Variants in ATRN observed in about 807,000 individuals in gnomAD.
ATRN encodes the protein attractin.
ATRN carries 54 observed loss-of-function variants against 178.7 expected under a neutral mutation model. The observed-to-expected ratio is 0.30, with a 90% CI of 0.24 to 0.38. The LOEUF (loss-of-function observed/expected upper bound fraction) is 0.38. Among genes scored for constraint, ATRN ranks in the 10% least tolerant of loss-of-function variants. The pLI is 1.00. For synonymous variants in ATRN, 636 were observed against 663.0 expected, an observed-to-expected ratio of 0.96 and a Z score of 0.63; for missense variants, 1,443 against 1,815.1, an observed-to-expected ratio of 0.79 and a Z score of 3.73.
chr20:3,561,329 A>G (rs2085950182), intron 8 of ATRN, among the ~76,000 whole-genome samples: 3 of 152,122 alleles, frequency 2.0e-5, no homozygotes, highest in Admixed American at 2.0e-4. Flanking sequence ...TCTCAAAACA[A>G]ACAAACAAAC....
rs1204622677 is a variant in ATRN at position 3,649,640 on chromosome 20, CTGCCCTTGGCCCTGCA to C, written c.*2794_*2809del. On this transcript the variant is annotated 3_prime_UTR_variant, in exon 29 of 29. Transcript: ENST00000262919. ...TCAGGAAGCAGAGGCGTCCCTGCCGCTGCCCTTGGCCCTGCAAGCACATCATGACCCTTTCTGGCAG... is the reference window on the plus strand; with the variant it reads ...TCAGGAAGCAGAGGCGTCCCTGCCGCAGCACATCATGACCCTTTCTGGCAG... 3.9e-5 allele frequency: 6 copies of C among 152,366 alleles called. No individual in the cohort carries two copies. Among genetic ancestry groups the C allele is most frequent in the African/African-American group, 1.4e-4 (6 of 41,582 alleles). 9.4% of individuals were successfully genotyped at this position (152,366 alleles called of 1,614,324 possible).
chr20:3,569,574 G>A (rs2086087805), intron 11 of ATRN, among the ~76,000 whole-genome samples: 1 of 152,014 alleles, frequency 6.6e-6, no homozygotes, highest in African/African-American at 2.4e-5. Context: ...TGTACACTTA[G>A]GCTACACTAA....
At chr20:3,601,867 TAAAAAAA>T (rs77232797) in intron 23 of ATRN, among the ~76,000 whole-genome samples, 22 of 117,694 alleles carry the variant, frequency 1.9e-4, no homozygotes, top group African/African-American at 3.9e-4. Flanking sequence ...CCCATCTCTT[TAAAAAAA>T]AAAAAAAAAA....
At chr20:3,625,402 G>A (rs927703881) in intron 25 of ATRN, among the ~76,000 whole-genome samples, 9 of 152,150 alleles carry the variant, frequency 5.9e-5, no homozygotes, top group African/African-American at 2.2e-4. Context: ...CTTATTCACA[G>A]CTGCATTGAA....
At chr20:3,503,319 A>G (rs1000657542) in intron 1 of ATRN, among the ~76,000 whole-genome samples, 4 of 152,230 alleles carry the variant, frequency 2.6e-5, no homozygotes, top group Non-Finnish European at 5.9e-5. Flanking sequence ...ATGATATAAT[A>G]GCAAATCACT....
chr20:3,514,980 A>G (rs1451683753), intron 1 of ATRN, among the ~76,000 whole-genome samples: 1 of 152,124 alleles, frequency 6.6e-6, no homozygotes, highest in Non-Finnish European at 1.5e-5. Context: ...AAAAAAAGAT[A>G]CTTCCTTAAT....
rs1030914296 is a variant in ATRN, at chr20:3,632,962, T to C, written c.3864-1349T>C. Reference sequence around the variant, plus strand: ...CTGGCCAACGTGGTGAAACCTCGTCTCCACTAAAAATACAAAAATTAGCTG... The same window carrying C: ...CTGGCCAACGTGGTGAAACCTCGTCCCCACTAAAAATACAAAAATTAGCTG... On this transcript the variant is annotated intron_variant, in intron 25 of 28. Transcript: ENST00000262919. The surrounding 1 kb of genome is among the most constrained non-coding windows in gnomAD (Gnocchi z 4.2). Among the ~76,000 whole-genome samples the C allele has an allele frequency of 6.6e-6, 1 of 152,154 alleles. No homozygotes were observed. Among genetic ancestry groups the C allele is most frequent in the African/African-American group, 2.4e-5 (1 of 41,442 alleles).
intron 25 of ATRN, among the ~76,000 whole-genome samples, chr20:3,633,974 G>A (rs1402777404): frequency 6.6e-6 from 1 of 152,070 alleles, no homozygotes; most frequent in African/African-American, 2.4e-5. Context: ...TGAATAAACA[G>A]CATGACTAAT....
intron 6 of ATRN, among the ~76,000 whole-genome samples, chr20:3,557,198 A>G (rs944240541): frequency 6.6e-5 from 10 of 152,212 alleles, no homozygotes; most frequent in Admixed American, 1.3e-4. Context: ...ATTTATTTCT[A>G]TTTGAAGTAA....
At chr20:3,589,070 C>T (rs1200924099) in intron 18 of ATRN, among the ~76,000 whole-genome samples, 2 of 144,420 alleles carry the variant, frequency 1.4e-5, no homozygotes, top group African/African-American at 5.0e-5. Flanking sequence ...GCAACCTCCG[C>T]CTCCAGGGTT....
At chr20:3,537,976 C>CTT (rs1247176661) in intron 2 of ATRN, among the ~76,000 whole-genome samples, 1 of 123,826 alleles carries the variant, frequency 8.1e-6, no homozygotes, top group Non-Finnish European at 1.7e-5. Flanking sequence ...TTTTATTATA[C>CTT]TTTAAGTTTT....
intron 15 of ATRN, among the ~76,000 whole-genome samples, chr20:3,579,961 T>G (rs954305810): frequency 6.6e-6 from 1 of 152,164 alleles, no homozygotes; most frequent in African/African-American, 2.4e-5. Context: ...ATTAGTCCCT[T>G]TTTTCAGTGC....
intron 23 of ATRN, among the ~76,000 whole-genome samples, chr20:3,601,968 C>T (rs768084941): frequency 1.3e-4 from 19 of 151,942 alleles, no homozygotes; most frequent in Non-Finnish European, 2.8e-4. Flanking sequence ...TTTACTTGCA[C>T]CGTGCTGTTA....
At chr20:3,492,875 G>GCACACA (rs376260361) in intron 1 of ATRN, among the ~76,000 whole-genome samples, 5 of 106,792 alleles carry the variant, frequency 4.7e-5, no homozygotes, top group African/African-American at 1.1e-4. Flanking sequence ...GCGTGCGCAC[G>GCACACA]CACACACACA....
intron 26 of ATRN, among the ~76,000 whole-genome samples, chr20:3,635,656 A>G (rs1477657460): frequency 1.3e-5 from 2 of 152,044 alleles, no homozygotes; most frequent in Non-Finnish European, 2.9e-5. Context: ...TAAAATCACA[A>G]CTCACAAGCA....
At chr20:3,490,825 C>G (rs1420104495) in intron 1 of ATRN, 40 of 810,654 alleles carry the variant, frequency 4.9e-5, no homozygotes, top group Non-Finnish European at 8.3e-5. Flanking sequence ...CATAATCCAT[C>G]TTTATCATCA....
chr20:3,612,629 TCTC>T (rs1254940422), intron 24 of ATRN, among the ~76,000 whole-genome samples: 1 of 152,164 alleles, frequency 6.6e-6, no homozygotes, highest in East Asian at 1.9e-4. Context: ...TTTGGCAACA[TCTC>T]CTGACACTAT....
At chr20:3,559,592 C>T in intron 7 of ATRN, 109 bp downstream of exon 7, 1 of 832,282 alleles carries the variant, frequency 1.2e-6, no homozygotes, top group South Asian at 1.7e-5. Flanking sequence ...TTGGGGAAAA[C>T]TTTTTATTGG....
At chr20:3,472,366 C>T (rs141199158) in intron 1 of ATRN, among the ~76,000 whole-genome samples, 1 of 152,244 alleles carries the variant, frequency 6.6e-6, no homozygotes, top group East Asian at 1.9e-4. Flanking sequence ...CGCACATAAC[C>T]CTAGTCATAA....
Sources: gnomAD v4.1 joint callset for allele counts (sites outside exome capture counted in the v4.1 genomes callset) on GRCh38, gnomAD v4.1.1 for gene constraint, Gnocchi (gnomAD v3.1) non-coding constraint, MANE v1.5 for transcripts, NCBI Gene and HGNC (gene_info 2026-07-23, HGNC 2026-07-21) for gene names.